Variants in FHIP1A observed in about 807,000 individuals in gnomAD.
FHIP1A encodes FHF complex subunit HOOK interacting protein 1A, also known as FHF complex subunit HOOK-interacting protein 1A.
A neutral mutation model predicts 88.6 loss-of-function variants in FHIP1A; 61 were observed. That is an observed-to-expected ratio of 0.69 (90% CI 0.56 to 0.85). FHIP1A has a LOEUF of 0.85. Among genes scored for constraint, FHIP1A ranks in the 40% least tolerant of loss-of-function variants. The pLI is 0.00. For missense variants in FHIP1A, 1,154 were observed against 1,273.5 expected, an observed-to-expected ratio of 0.91 and a Z score of 1.43; for synonymous variants, 478 against 496.0, an observed-to-expected ratio of 0.96 and a Z score of 0.48.
At position 151,577,447 on chromosome 4, in the gene FHIP1A, C is replaced by T; in HGVS notation, c.106-3C>T. The T allele has an allele frequency of 6.5e-7, 1 of 1,527,114 alleles. No homozygotes were observed. The highest frequency in any genetic ancestry group is 1.2e-5 in the South Asian group (1 of 80,960). The allele number at this position is 1,527,114 out of a possible 1,614,324, so 94.6% of individuals were successfully genotyped here. ...GGATGACAAATGCTTGACTTGGTTACAGGTTGTGAAAATCTTGGAGAAGCA... is the reference window on the plus strand; with the variant it reads ...GGATGACAAATGCTTGACTTGGTTATAGGTTGTGAAAATCTTGGAGAAGCA... On this transcript the variant is annotated splice_region_variant and splice_polypyrimidine_tract_variant and intron_variant, in intron 4 of 13. Coordinates refer to ENST00000435205, the MANE Select transcript of FHIP1A (RefSeq NM_001109977.3).
chr4:151,435,733 C>T (rs897696937), intron 1 of FHIP1A, among the ~76,000 whole-genome samples: 4 of 148,484 alleles, frequency 2.7e-5, no homozygotes, highest in African/African-American at 7.5e-5. Flanking sequence ...TACAGTGAGC[C>T]GAGATTGTGC....
intron 1 of FHIP1A, among the ~76,000 whole-genome samples, chr4:151,412,937 G>T (rs1732725118): frequency 6.6e-6 from 1 of 151,838 alleles, no homozygotes; most frequent in Admixed American, 6.6e-5. Flanking sequence ...ACTTGCCTTG[G>T]CCTCCCAAAG....
At chr4:151,541,397 A>G (rs1732279256) in intron 3 of FHIP1A, among the ~76,000 whole-genome samples, 1 of 152,200 alleles carries the variant, frequency 6.6e-6, no homozygotes, top group African/African-American at 2.4e-5. Flanking sequence ...CACTGCATAT[A>G]CATTTTTACA....
intron 2 of FHIP1A, among the ~76,000 whole-genome samples, chr4:151,455,988 G>C (rs1024314961): frequency 4.6e-5 from 7 of 152,026 alleles, no homozygotes; most frequent in Admixed American, 4.6e-4. Context: ...TTCTAACTTT[G>C]CCCACACAGG....
intron 9 of FHIP1A, among the ~76,000 whole-genome samples, chr4:151,643,477 C>T (rs1736670795): frequency 6.6e-6 from 1 of 152,144 alleles, no homozygotes; most frequent in Non-Finnish European, 1.5e-5. Context: ...CAATTATTTT[C>T]TTCTAGCTAT....
chr4:151,514,175 A>C (rs1731140712), intron 3 of FHIP1A, among the ~76,000 whole-genome samples: 1 of 152,250 alleles, frequency 6.6e-6, no homozygotes, highest in Admixed American at 6.5e-5. Flanking sequence ...AACTACATGG[A>C]AACTGAACAA....
intron 3 of FHIP1A, among the ~76,000 whole-genome samples, chr4:151,490,092 C>G (rs1252766848): frequency 1.3e-5 from 2 of 152,168 alleles, no homozygotes; most frequent in Non-Finnish European, 2.9e-5. Flanking sequence ...GAACCCTGCT[C>G]CAAAGAAGGA....
At chr4:151,423,893 C>G (rs560570058) in intron 1 of FHIP1A, among the ~76,000 whole-genome samples, 1 of 152,194 alleles carries the variant, frequency 6.6e-6, no homozygotes, top group Admixed American at 6.5e-5. Flanking sequence ...TGGTCAAACT[C>G]TTCAAGAACC....
At chr4:151,468,926 T>G (rs1729420220) in intron 2 of FHIP1A, among the ~76,000 whole-genome samples, 1 of 152,196 alleles carries the variant, frequency 6.6e-6, no homozygotes, top group Non-Finnish European at 1.5e-5. Flanking sequence ...TCTTTATGAT[T>G]CACTAGGCAG....
intron 5 of FHIP1A, 134 bp downstream of exon 5, chr4:151,578,210 A>G: frequency 3.6e-6 from 3 of 834,242 alleles, no homozygotes; most frequent in Non-Finnish European, 5.5e-6. Flanking sequence ...GGATGTTTAG[A>G]GGAAATCTTT....
chr4:151,505,277 A>G (rs1730792315), intron 3 of FHIP1A, among the ~76,000 whole-genome samples: 1 of 152,206 alleles, frequency 6.6e-6, no homozygotes, highest in Non-Finnish European at 1.5e-5. Context: ...CACATTGCCT[A>G]CTTTCGTGAT....
At chr4:151,599,913 T>C (rs1734798742) in intron 7 of FHIP1A, among the ~76,000 whole-genome samples, 1 of 152,184 alleles carries the variant, frequency 6.6e-6, no homozygotes, top group Admixed American at 6.5e-5. Context: ...CCCTAATGCA[T>C]GGGGGCATTT....
intron 3 of FHIP1A, among the ~76,000 whole-genome samples, chr4:151,511,442 T>C (rs1319999898): frequency 6.6e-6 from 1 of 152,166 alleles, no homozygotes; most frequent in Non-Finnish European, 1.5e-5. Flanking sequence ...CGCAGGACAG[T>C]GGGTGCAGCG....
At chr4:151,542,366 T>A (rs201403897) in intron 3 of FHIP1A, among the ~76,000 whole-genome samples, 1 of 152,038 alleles carries the variant, frequency 6.6e-6, no homozygotes, top group African/African-American at 2.4e-5. Flanking sequence ...CATCCCCTGC[T>A]TTTTTTTATT....
At chr4:151,533,858 C>T (rs1162287542) in intron 3 of FHIP1A, among the ~76,000 whole-genome samples, 1 of 152,162 alleles carries the variant, frequency 6.6e-6, no homozygotes, top group Non-Finnish European at 1.5e-5. Flanking sequence ...AGTCTTCATG[C>T]CTGTGTCTAA....
chr4:151,435,231 A>C (rs1404938606), intron 1 of FHIP1A, among the ~76,000 whole-genome samples: 1 of 151,958 alleles, frequency 6.6e-6, no homozygotes, highest in African/African-American at 2.4e-5. Flanking sequence ...TTAGCTAACT[A>C]TTTTCCTACT....
chr4:151,449,338 G>T (rs1355495281), intron 1 of FHIP1A, among the ~76,000 whole-genome samples: 2 of 152,082 alleles, frequency 1.3e-5, no homozygotes, highest in African/African-American at 4.8e-5. Context: ...GAAGTAGCTT[G>T]CTCAGAATTA....
chr4:151,485,129 G>A (rs1371922440), intron 3 of FHIP1A, among the ~76,000 whole-genome samples: 1 of 152,046 alleles, frequency 6.6e-6, no homozygotes, highest in Non-Finnish European at 1.5e-5. Context: ...TGTTCATTTT[G>A]CACATATCTT....
chr4:151,606,104 C>T (rs1735063647), intron 7 of FHIP1A, among the ~76,000 whole-genome samples: 1 of 152,200 alleles, frequency 6.6e-6, no homozygotes, highest in Non-Finnish European at 1.5e-5. Flanking sequence ...GTGGGCAGGA[C>T]AGCATGCTGT....
Sources: allele counts gnomAD v4.1 joint callset (sites outside exome capture counted in the v4.1 genomes callset), GRCh38; gene constraint gnomAD v4.1.1; transcripts MANE v1.5; gene names NCBI Gene and HGNC (gene_info 2026-07-23, HGNC 2026-07-21).